TRPV2: variants seen among roughly 807,000 people sequenced by gnomAD.
The protein encoded by TRPV2 is transient receptor potential cation channel subfamily V member 2, also known as OTRPC2.
In TRPV2, 58 loss-of-function variants were observed where a neutral mutation model predicts 91.0. That is an observed-to-expected ratio of 0.64 (90% confidence interval 0.52 to 0.79). The LOEUF (loss-of-function observed/expected upper bound fraction) is 0.79. TRPV2 is among the 30% of genes least tolerant of loss of function. The probability of loss-of-function intolerance (pLI) is 0.00; values close to 1 mark genes in which losing one functional copy is unlikely to be tolerated. For synonymous variants in TRPV2, 417 were observed against 414.8 expected, an observed-to-expected ratio of 1.01 and a Z score of -0.06; for missense variants, 807 against 969.6, an observed-to-expected ratio of 0.83 and a Z score of 2.23.
intron 5 of TRPV2, among the ~76,000 whole-genome samples, chr17:16,425,797 G>A (rs1278991212): frequency 6.6e-6 from 1 of 152,222 alleles, no homozygotes; most frequent in Non-Finnish European, 1.5e-5. Flanking sequence ...GATCTCAGGG[G>A]CCTCAAGGAC....
In TRPV2 at chr17:16,426,008, C is replaced by A; in HGVS notation, c.925-91C>A. ...CAGCTGCAGCTCTGCAGACCGTGGG[C>A]AGCTGCTGAGTCCTGGGTGTTTCCC... On this transcript the variant is annotated intron_variant, in intron 5 of 14. Coordinates refer to ENST00000338560, the MANE Select transcript of TRPV2 (RefSeq NM_016113.5). The surrounding 1 kb of genome is among the most constrained non-coding windows in gnomAD (Gnocchi z 6.0). 2 of 1,438,704 alleles carry A rather than the reference C, an allele frequency of 1.4e-6. No homozygotes were observed. Among genetic ancestry groups the A allele is most frequent in the Non-Finnish European group, 9.7e-7 (1 of 1,035,862 alleles). The allele number at this position is 1,438,704 out of a possible 1,614,324, so 89.1% of individuals were successfully genotyped here.
At chr17:16,431,640 G>A in intron 10 of TRPV2, 144 bp from the exon 11 acceptor site, 4 of 717,482 alleles carry the variant, frequency 5.6e-6, no homozygotes, top group South Asian at 1.7e-5. Context: ...TGCTCGGTGT[G>A]GCTCCACAGG....
intron 13 of TRPV2, 56 bp downstream of exon 13, chr17:16,433,754 G>GC (rs779868619): frequency 2.4e-4 from 388 of 1,597,142 alleles, no homozygotes; most frequent in Admixed American, 6.9e-4. Context: ...AATCCCTGGG[G>GC]CCCCCCTGCA....
At chr17:16,421,932 T>A (rs1287009386) in intron 3 of TRPV2, among the ~76,000 whole-genome samples, 1 of 152,050 alleles carries the variant, frequency 6.6e-6, no homozygotes, top group Non-Finnish European at 1.5e-5. Flanking sequence ...AGACATTAAG[T>A]GGTGGAGTCA....
rs2093362868 is a variant in TRPV2, at chr17:16,422,527, A to G, written c.335-72A>G. ...AGGGGTACTTTGAGCTGGGCTTATA[A>G]GAGCTATCGGGCAGCCCAGCCACTC... On this transcript the variant is annotated intron_variant, in intron 3 of 14. Transcript: ENST00000338560. 8.7e-6 allele frequency: 13 copies of G among 1,492,722 alleles called. No homozygotes were observed. The South Asian group carries it at 1.3e-4, about 14-fold the overall frequency. The allele number at this position is 1,492,722 out of a possible 1,614,324, so 92.5% of individuals were successfully genotyped here. A position where few individuals can be genotyped will look rare whatever the true frequency, so the allele number is the denominator to read the frequency against.
At position 16,426,158 on chromosome 17, in the gene TRPV2, C is replaced by T; in HGVS notation, c.984C>T (p.Phe328=). Residue 328 remains phenylalanine, a synonymous_variant, in exon 6 of 15, where the codon TTC becomes TTT. Coordinates refer to ENST00000338560, the MANE Select transcript of TRPV2 (RefSeq NM_016113.5). This position sits in a 1 kb window ranked among gnomAD's most constrained non-coding sequence, Gnocchi z 6.0. The part of the protein sequence containing the change: ...FSGLSHLSRK[F]TEWCYGPVRV... ...GACTGAGCCACCTTTCCCGAAAGTTCACCGAGTGGTGCTATGGGCCTGTCC... is the reference window on the plus strand; with the variant it reads ...GACTGAGCCACCTTTCCCGAAAGTTTACCGAGTGGTGCTATGGGCCTGTCC... 2 of 1,614,176 alleles carry T rather than the reference C, an allele frequency of 1.2e-6. No homozygotes were observed. Among genetic ancestry groups the T allele is most frequent in the Non-Finnish European group, 1.7e-6 (2 of 1,180,026 alleles).
At chr17:16,425,197 T>C (rs561842832) in intron 5 of TRPV2, among the ~76,000 whole-genome samples, 1 of 152,182 alleles carries the variant, frequency 6.6e-6, no homozygotes, top group South Asian at 2.1e-4. Context: ...GCTAATTTTG[T>C]ATTTTTAGTA....
chr17:16,417,255 ATTT>A (rs34360076), intron 1 of TRPV2, among the ~76,000 whole-genome samples: 3 of 133,796 alleles, frequency 2.2e-5, no homozygotes, highest in Non-Finnish European at 3.2e-5. Flanking sequence ...AAAAACCGCA[ATTT>A]TTTTTTTTTT....
chr17:16,426,169 G>A lies in TRPV2; in HGVS notation c.995G>A (p.Cys332Tyr), dbSNP rs2093382109. 6.2e-7 allele frequency: 1 copy of A among 1,614,202 alleles called. No individual in the cohort carries two copies. Among genetic ancestry groups the A allele is most frequent in the Non-Finnish European group, 8.5e-7 (1 of 1,180,038 alleles). ...CTTTCCCGAAAGTTCACCGAGTGGT[G>A]CTATGGGCCTGTCCGGGTGTCGCTG... is the stretch of plus-strand genomic sequence containing the variant. Reference protein sequence around the residue: ...SHLSRKFTEWCYGPVRVSLYD... With the variant: ...SHLSRKFTEWYYGPVRVSLYD... Residue 332 changes from cysteine (C) to tyrosine (Y), a missense_variant, in exon 6 of 15, where the codon TGC (cysteine) becomes TAC (tyrosine). Coordinates refer to ENST00000338560, the MANE Select transcript of TRPV2 (RefSeq NM_016113.5). This position sits in a 1 kb window ranked among gnomAD's most constrained non-coding sequence, Gnocchi z 6.0.
chr17:16,434,587 C>A, intron 13 of TRPV2: 1 of 330,528 alleles, frequency 3.0e-6, no homozygotes, highest in Non-Finnish European at 5.5e-6. Context: ...GCCCCAGAAC[C>A]CGGAAGCACA....
At chr17:16,419,002 G>T (rs1018752509) in intron 2 of TRPV2, among the ~76,000 whole-genome samples, 5 of 151,442 alleles carry the variant, frequency 3.3e-5, no homozygotes, top group African/African-American at 1.2e-4. Context: ...CCATACTCCA[G>T]CCTGGGTGTC....
chr17:16,435,061 A>T lies in TRPV2; in HGVS notation c.2194+92A>T. Reference sequence around the variant, plus strand: ...TTGGAGAGTCTGGGGCAGGACCCAGAGACCTCCTCATAGTCCCTTTGCAGA... The same window carrying T: ...TTGGAGAGTCTGGGGCAGGACCCAGTGACCTCCTCATAGTCCCTTTGCAGA... On this transcript the variant is annotated intron_variant, in intron 14 of 14. Coordinates refer to ENST00000338560, the MANE Select transcript of TRPV2 (RefSeq NM_016113.5). The surrounding 1 kb of genome is among the most constrained non-coding windows in gnomAD (Gnocchi z 4.2). 1 of 1,049,444 alleles carries T rather than the reference A, an allele frequency of 9.5e-7. No homozygotes were observed. The highest frequency in any genetic ancestry group is 1.7e-5 in the South Asian group (1 of 59,022). The allele number at this position is 1,049,444 out of a possible 1,614,324, so 65.0% of individuals were successfully genotyped here.
Position 16,428,906 on chromosome 17 carries a change from T to C in TRPV2, c.1511T>C (p.Val504Ala). Residue 504 changes from valine (V) to alanine (A), a missense_variant, in exon 10 of 15, where the codon GTG becomes GCG. By Grantham distance (64) the Val-to-Ala change is moderately conservative (BLOSUM62 0). Transcript: ENST00000338560. ...CTGCCCCTGCTTGTGTCTGCGCTGGTGCTGGGCTGGCTGAACCTGCTTTAC... is the reference window on the plus strand; with the variant it reads ...CTGCCCCTGCTTGTGTCTGCGCTGGCGCTGGGCTGGCTGAACCTGCTTTAC... Reference protein sequence around the residue: ...WYLPLLVSALVLGWLNLLYYT... With the variant: ...WYLPLLVSALALGWLNLLYYT... 6.2e-7 allele frequency: 1 copy of C among 1,614,178 alleles called. No homozygotes were observed. The highest frequency in any genetic ancestry group is 1.7e-5 in the Admixed American group (1 of 60,018).
chr17:16,428,598 C>G (rs2093395924), intron 9 of TRPV2: 1 of 708,370 alleles, frequency 1.4e-6, no homozygotes, highest in African/African-American at 1.8e-5. Context: ...GTGACATTTA[C>G]TAGGCCTCGG....
At position 16,422,435 on chromosome 17, in the gene TRPV2, G is replaced by C. The variant is rs369029051; in HGVS notation, c.335-164G>C. The stretch of plus-strand genomic sequence containing the variant: ...TGGTATTTCTTATCTGTTACTTGGA[G>C]CCTTAATAGCCTATAACATGGTTGT... On this transcript the variant is annotated intron_variant, in intron 3 of 14. Transcript: ENST00000338560. 3.4e-4 allele frequency among the ~76,000 whole-genome samples: 52 copies of C among 152,316 alleles called. 1 individual carries two copies. The South Asian group carries it at 9.5e-3, about 28-fold the overall frequency.
intron 5 of TRPV2, among the ~76,000 whole-genome samples, chr17:16,425,752 C>T (rs187010922): frequency 3.3e-5 from 5 of 152,190 alleles, no homozygotes; most frequent in Non-Finnish European, 7.4e-5. Flanking sequence ...ATTCTGACCG[C>T]GAAAGTGCAC....
At chr17:16,428,104 C>T (rs1164807721) in intron 8 of TRPV2, among the ~76,000 whole-genome samples, 1 of 152,190 alleles carries the variant, frequency 6.6e-6, no homozygotes, top group Non-Finnish European at 1.5e-5. Flanking sequence ...TGCACAGGCT[C>T]TTCACCTGCA....
In TRPV2 at chr17:16,417,836, C is replaced by T. The variant is rs1219541102; in HGVS notation, c.168C>T (p.Val56=). ...GGAAATTCGCCCCTCAGATAAGAGT[C>T]AACCTCAACTACCGAAAGGGAACAG... ...EDRKFAPQIR[V]NLNYRKGTGA... is the part of the protein sequence containing the mutation. Residue 56 remains valine, a synonymous_variant, in exon 2 of 15, where the codon GTC becomes GTT. Coordinates refer to ENST00000338560, the MANE Select transcript of TRPV2 (RefSeq NM_016113.5). The T allele has an allele frequency of 6.2e-7, 1 of 1,614,174 alleles. No individual in the cohort carries two copies. Among genetic ancestry groups the T allele is most frequent in the South Asian group, 1.1e-5 (1 of 91,068 alleles).
intron 3 of TRPV2, among the ~76,000 whole-genome samples, chr17:16,422,097 G>T (rs2093360281): frequency 6.6e-6 from 1 of 151,764 alleles, no homozygotes. Flanking sequence ...GAGATCAGGA[G>T]ATCGAGACCA....
Sources: gnomAD v4.1 joint callset for allele counts (sites outside exome capture counted in the v4.1 genomes callset) on GRCh38, gnomAD v4.1.1 for gene constraint, Gnocchi (gnomAD v3.1) non-coding constraint, MANE v1.5 for transcripts, NCBI Gene and HGNC (gene_info 2026-07-23, HGNC 2026-07-21) for gene names.